Variants in SMOC2 observed in about 807,000 individuals in gnomAD.
SMOC2 encodes SPARC related modular calcium binding 2.
In SMOC2, 39 loss-of-function variants were observed where a neutral mutation model predicts 61.4. That is an observed-to-expected ratio of 0.64 (90% confidence interval 0.49 to 0.83). SMOC2 has a LOEUF of 0.83. Ranked by LOEUF, SMOC2 falls within the 40% of genes least tolerant of loss-of-function variation. The pLI, the probability that SMOC2 is intolerant of heterozygous loss-of-function variation, is 0.00. For synonymous variants in SMOC2, 247 were observed against 239.9 expected (o/e 1.03, Z -0.27); for missense variants, 556 against 592.9 (o/e 0.94, Z 0.65).
intron 1 of SMOC2, among the ~76,000 whole-genome samples, chr6:168,507,967 G>A (rs138953340): frequency 2.3e-4 from 35 of 152,318 alleles, no homozygotes; most frequent in Non-Finnish European, 4.0e-4. Flanking sequence ...CCACTGCCAA[G>A]TAGCTTTGTG....
intron 1 of SMOC2, among the ~76,000 whole-genome samples, chr6:168,505,940 A>C (rs1782862736): frequency 6.6e-6 from 1 of 151,810 alleles, no homozygotes; most frequent in Non-Finnish European, 1.5e-5. Context: ...TGCACCTCCC[A>C]CTAAGAAAGC....
At chr6:168,648,512 G>A (rs117153992) in intron 9 of SMOC2, among the ~76,000 whole-genome samples, 3,132 of 152,352 alleles carry the variant, frequency 0.021, 204 homozygotes, top group Admixed American at 0.14. Context: ...AGCCGAGGCC[G>A]GGTGGGCTGG....
intron 1 of SMOC2, among the ~76,000 whole-genome samples, chr6:168,466,449 G>A (rs1182547223): frequency 1.3e-5 from 2 of 152,178 alleles, no homozygotes; most frequent in Non-Finnish European, 2.9e-5. Flanking sequence ...CAGATCAGCC[G>A]CTTCTGTGGG....
In SMOC2 at chr6:168,527,566, G is replaced by A. The variant is rs994103541; in HGVS notation, c.364-62G>A. 1.3e-5 allele frequency: 16 copies of A among 1,225,588 alleles called. No individual in the cohort carries two copies. The African/African-American group carries it at 1.3e-4, about 10-fold the overall frequency. The allele number at this position is 1,225,588 out of a possible 1,614,324, so 75.9% of individuals were successfully genotyped here. On this transcript the variant is annotated intron_variant, in intron 3 of 12. Coordinates refer to ENST00000356284, the MANE Select transcript of SMOC2 (RefSeq NM_001166412.2). ...TGCCGCAGAAAGCAGAGTGGGCCTCGCAGCCGTGAGGCGCTGCGCCACGGG... is the reference window on the plus strand; with the variant it reads ...TGCCGCAGAAAGCAGAGTGGGCCTCACAGCCGTGAGGCGCTGCGCCACGGG...
At chr6:168,595,218 T>G (rs4708753) in intron 7 of SMOC2, among the ~76,000 whole-genome samples, 31,442 of 63,912 alleles carry the variant, frequency 0.49, 7,595 homozygotes, top group Middle Eastern at 0.55. Flanking sequence ...CTAGAGGATC[T>G]CCGAGCTCCT....
chr6:168,503,292 G>C (rs1291288638), intron 1 of SMOC2, among the ~76,000 whole-genome samples: 1 of 148,798 alleles, frequency 6.7e-6, no homozygotes, highest in East Asian at 2.1e-4. Flanking sequence ...TGGCCAGGCT[G>C]GTCTCGAACT....
rs1784837387 is a variant in SMOC2, at chr6:168,577,652, C to T, written c.638-21166C>T. 2.0e-5 allele frequency among the ~76,000 whole-genome samples: 3 copies of T among 152,328 alleles called. No homozygotes were observed. The South Asian group carries it at 6.2e-4, about 32-fold the overall frequency. ...GGACTGGCTCTATCTGGTCCCGCAG[C>T]ATCTCCCAGCAGTGATTCATTCACT... On this transcript the variant is annotated intron_variant, in intron 7 of 12. Coordinates refer to ENST00000356284, the MANE Select transcript of SMOC2 (RefSeq NM_001166412.2).
chr6:168,513,215 T>C (rs1042324520), intron 2 of SMOC2, among the ~76,000 whole-genome samples: 1 of 152,238 alleles, frequency 6.6e-6, no homozygotes, highest in African/African-American at 2.4e-5. Flanking sequence ...ATAAATGATG[T>C]TTTGTAAATG....
At chr6:168,614,365 C>A (rs1431461069) in intron 9 of SMOC2, among the ~76,000 whole-genome samples, 1 of 91,842 alleles carries the variant, frequency 1.1e-5, no homozygotes. Context: ...ATACCTACAG[C>A]CAGCACAGGG....
chr6:168,584,041 G>T (rs553016496), intron 7 of SMOC2, among the ~76,000 whole-genome samples: 3 of 152,224 alleles, frequency 2.0e-5, no homozygotes, highest in Non-Finnish European at 4.4e-5. Context: ...GTCCCTACAC[G>T]TCAGAGCAGC....
chr6:168,495,781 C>T (rs1782573977), intron 1 of SMOC2, among the ~76,000 whole-genome samples: 1 of 151,958 alleles, frequency 6.6e-6, no homozygotes, highest in Non-Finnish European at 1.5e-5. Context: ...GCCTCACCCA[C>T]CTGCAGGGTT....
At chr6:168,656,658 G>T (rs888494501) in intron 11 of SMOC2, among the ~76,000 whole-genome samples, 2 of 151,866 alleles carry the variant, frequency 1.3e-5, no homozygotes, top group African/African-American at 4.8e-5. Context: ...ATCATCGTCT[G>T]CCTCCTCTTC....
At chr6:168,657,722 T>G (rs1028355530) in intron 11 of SMOC2, among the ~76,000 whole-genome samples, 2 of 152,146 alleles carry the variant, frequency 1.3e-5, no homozygotes, top group African/African-American at 4.8e-5. Context: ...AATCAGCATC[T>G]GGTGAGGGCC....
rs556662343 is a variant in SMOC2, at chr6:168,628,755, C to T, written c.907+20516C>T. On this transcript the variant is annotated intron_variant, in intron 9 of 12. Transcript: ENST00000356284. ...TGTGCTGAAGGCACTACCTGCTCTC[C>T]GTAGATGCCTGCCTCTGAAGGCCTT... Among the ~76,000 whole-genome samples, 28 of 152,348 alleles carry T rather than the reference C, an allele frequency of 1.8e-4. No individual in the cohort carries two copies. The South Asian group carries it at 2.7e-3, about 15-fold the overall frequency.
intron 8 of SMOC2, among the ~76,000 whole-genome samples, chr6:168,606,902 G>A (rs754705203): frequency 8.5e-5 from 13 of 152,174 alleles, no homozygotes; most frequent in African/African-American, 1.9e-4. Flanking sequence ...AGGCCGCCAC[G>A]AAGGATTCCA....
chr6:168,502,965 A>C lies in SMOC2; in HGVS notation c.85-6950A>C, dbSNP rs9456147. ...GTATTTTTAGTAGAGGTAGGGTTTC[A>C]CTGTGTTAGCCAGGATGGTCTTGAT... On this transcript the variant is annotated intron_variant, in intron 1 of 12. Coordinates refer to ENST00000356284, the MANE Select transcript of SMOC2 (RefSeq NM_001166412.2). Among the ~76,000 whole-genome samples the C allele has an allele frequency of 1.8e-3, 264 of 147,642 alleles. 3 individuals carry two copies. Among genetic ancestry groups the C allele is most frequent in the African/African-American group, 6.3e-3 (249 of 39,610 alleles).
chr6:168,663,779 A>G (rs1435907557), intron 11 of SMOC2, among the ~76,000 whole-genome samples: 1 of 152,230 alleles, frequency 6.6e-6, no homozygotes, highest in Non-Finnish European at 1.5e-5. Context: ...ATTAAGCATT[A>G]TAAGTAGTCT....
At chr6:168,579,376 G>T (rs9455664) in intron 7 of SMOC2, among the ~76,000 whole-genome samples, 1 of 152,322 alleles carries the variant, frequency 6.6e-6, no homozygotes, top group South Asian at 2.1e-4. Context: ...GATTGTCAGC[G>T]TCGCTTTTAT....
rs539083311 is a variant in SMOC2, at chr6:168,483,388, AGATTTGTAC to A, written c.85-26526_85-26518del. Among the ~76,000 whole-genome samples, 513 of 152,282 alleles carry A rather than the reference AGATTTGTAC, an allele frequency of 3.4e-3. 5 individuals are homozygous for A. The highest frequency in any genetic ancestry group is 0.012 in the African/African-American group (485 of 41,594). Reference sequence around the variant, plus strand: ...CTTTGGAATAATCAAATAATGTGACAGATTTGTACAATAAAAATTATAAAACATTGCCAA... The same window carrying A: ...CTTTGGAATAATCAAATAATGTGACAAATAAAAATTATAAAACATTGCCAA... On this transcript the variant is annotated intron_variant, in intron 1 of 12. Coordinates refer to ENST00000356284, the MANE Select transcript of SMOC2 (RefSeq NM_001166412.2).
Sources: gnomAD v4.1 joint callset for allele counts (sites outside exome capture counted in the v4.1 genomes callset) on GRCh38, gnomAD v4.1.1 for gene constraint, MANE v1.5 for transcripts, NCBI Gene and HGNC (gene_info 2026-07-23, HGNC 2026-07-21) for gene names.